Variants in PTCHD1 observed in about 807,000 individuals in gnomAD.
The protein encoded by PTCHD1 is patched domain containing 1.
PTCHD1 carries 3 observed loss-of-function variants against 34.6 expected under a neutral mutation model. That is an observed-to-expected ratio of 0.09 (90% CI 0.04 to 0.22). The LOEUF is 0.22. PTCHD1 is among the 10% of genes least tolerant of loss of function. PTCHD1 has a pLI of 1.00. For missense variants in PTCHD1, 504 were observed against 685.5 expected (o/e 0.74, Z 2.96); for synonymous variants, 305 against 283.1 (o/e 1.08, Z -0.77).
In PTCHD1 at chrX:23,393,958, G is replaced by A. The variant is rs1922903555; in HGVS notation, c.2440G>A (p.Ala814Thr). 1.7e-6 allele frequency: 2 copies of A among 1,210,045 alleles called. No individual in the cohort carries two copies. Among genetic ancestry groups the A allele is most frequent in the South Asian group, 3.5e-5 (2 of 56,936 alleles). ...TATTGTTGGTCTGATTCCTCTTGCA[G>A]CTGTGCCTTCAAATCTGACCTGTAC... ...CYIVGLIPLA[A>T]VPSNLTCTLF... Residue 814 changes from alanine to threonine, a missense_variant, in exon 3 of 3, where the codon GCT becomes ACT. Coordinates refer to ENST00000379361, the MANE Select transcript of PTCHD1 (RefSeq NM_173495.3).
chrX:23,355,628 C>T lies in PTCHD1; in HGVS notation c.351+20402C>T, dbSNP rs145873107. 9.4e-3 allele frequency among the ~76,000 whole-genome samples: 1,062 copies of T among 112,502 alleles called. 13 individuals are homozygous for T. Among genetic ancestry groups the T allele is most frequent in the African/African-American group, 0.033 (1,006 of 30,939 alleles). On this transcript the variant is annotated intron_variant, in intron 1 of 2. Coordinates refer to ENST00000379361, the MANE Select transcript of PTCHD1 (RefSeq NM_173495.3). ...CAGGTTCTTCTATTACATTATGTCT[C>T]AGCTTTCTATGAGCTATGTTATTTA...
In PTCHD1 at chrX:23,389,966, G is replaced by A. The variant is rs1922787489; in HGVS notation, c.1013-2565G>A. 7.1e-5 allele frequency among the ~76,000 whole-genome samples: 8 copies of A among 111,897 alleles called. No individual in the cohort carries two copies. The Admixed American group carries it at 7.6e-4, about 11-fold the overall frequency. On this transcript the variant is annotated intron_variant, in intron 2 of 2. Coordinates refer to ENST00000379361, the MANE Select transcript of PTCHD1 (RefSeq NM_173495.3). ...TTCTTGACCCTGGAGCCTCAGTCTT[G>A]TCACCTAATATCTCTGTTAATTCAA...
chrX:23,375,423 G>A (rs749096436), intron 1 of PTCHD1, among the ~76,000 whole-genome samples: 10 of 110,266 alleles, frequency 9.1e-5, no homozygotes, highest in Non-Finnish European at 1.7e-4. Flanking sequence ...CCATGTAGCT[G>A]GGATAACAGG....
intron 1 of PTCHD1, among the ~76,000 whole-genome samples, chrX:23,335,540 G>A (rs186057381): frequency 6.9e-4 from 78 of 113,242 alleles, no homozygotes; most frequent in African/African-American, 2.4e-3. Context: ...CTTGGGGGTG[G>A]GGAGGCTTTG....
chrX:23,385,550 T>C lies in PTCHD1; in HGVS notation c.1012+5299T>C, dbSNP rs764400060. Among the ~76,000 whole-genome samples, 10 of 111,452 alleles carry C rather than the reference T, an allele frequency of 9.0e-5. No individual in the cohort carries two copies. In the South Asian group the frequency reaches 3.8e-3, roughly 42 times the overall value. On this transcript the variant is annotated intron_variant, in intron 2 of 2. Coordinates refer to ENST00000379361, the MANE Select transcript of PTCHD1 (RefSeq NM_173495.3). ...ACTAAACATAGACCCTGGGGAGAAA[T>C]ACCTAGTATCTACATTTGGACTAAA... is the stretch of plus-strand genomic sequence containing the variant.
intron 1 of PTCHD1, among the ~76,000 whole-genome samples, chrX:23,356,355 G>T (rs1014628929): frequency 8.0e-5 from 9 of 112,155 alleles, no homozygotes; most frequent in Non-Finnish European, 1.5e-4. Context: ...ACACCCTGGG[G>T]ACCAGGGAGG....
chrX:23,352,797 C>T (rs947301652), intron 1 of PTCHD1, among the ~76,000 whole-genome samples: 1 of 112,163 alleles, frequency 8.9e-6, no homozygotes, highest in African/African-American at 3.2e-5. Flanking sequence ...AGATTGGCAG[C>T]GTCAGTAGCA....
intron 1 of PTCHD1, among the ~76,000 whole-genome samples, chrX:23,371,447 A>G (rs1247173856): frequency 8.9e-6 from 1 of 111,992 alleles, no homozygotes; most frequent in African/African-American, 3.3e-5. Context: ...AACAGTGAGG[A>G]ACACATGTTG....
rs766882195 is a variant in PTCHD1 at position 23,404,020 on chromosome X, C to G, written c.*9835C>G. 8.9e-6 allele frequency: 1 copy of G among 112,013 alleles called. No individual in the cohort carries two copies. The highest frequency in any genetic ancestry group is 3.3e-5 in the African/African-American group (1 of 30,759). The allele number at this position is 112,013 out of a possible 1,213,427, so 9.2% of individuals were successfully genotyped here. A position where few individuals can be genotyped will look rare whatever the true frequency, so the allele number is the denominator to read the frequency against. On this transcript the variant is annotated 3_prime_UTR_variant, in exon 3 of 3. Transcript: ENST00000379361. ...TCCCACTGATGATTGGCAATTCCAC[C>G]GTTCCTCTCCATCTGACCAGCTTTC...
chrX:23,354,870 C>T (rs1460660023), intron 1 of PTCHD1, among the ~76,000 whole-genome samples: 1 of 106,955 alleles, frequency 9.3e-6, no homozygotes, highest in Non-Finnish European at 2.0e-5. Flanking sequence ...CACACCCGGC[C>T]AAAATTCTTA....
chrX:23,392,630 C>T lies in PTCHD1; in HGVS notation c.1112C>T (p.Ser371Phe). The change falls in exon 3 of 3, where the codon TCC becomes TTC. Residue 371 changes from serine to phenylalanine, a missense_variant. By Grantham distance (155) the Ser-to-Phe change is radical. Transcript: ENST00000379361. ...AGAACTGCAGCAGTCTATGCAGACT[C>T]CATGCTCTCCTTTTCTCTCACCACT... ...KERTAAVYAD[S>F]MLSFSLTTAM... The T allele has an allele frequency of 1.7e-6, 2 of 1,205,630 alleles. No homozygotes were observed. The highest frequency in any genetic ancestry group is 3.5e-5 in the South Asian group (2 of 56,816).
chrX:23,347,253 G>A (rs1471430803), intron 1 of PTCHD1, among the ~76,000 whole-genome samples: 1 of 112,169 alleles, frequency 8.9e-6, no homozygotes, highest in African/African-American at 3.2e-5. Context: ...AAATACTTGT[G>A]AAGGTCACAG....
chrX:23,357,050 T>C (rs1336293332), intron 1 of PTCHD1, among the ~76,000 whole-genome samples: 4 of 112,072 alleles, frequency 3.6e-5, no homozygotes, highest in African/African-American at 6.5e-5. Context: ...CTAACTTAGT[T>C]TGATATGAAT....
At chrX:23,365,126 T>G (rs1326545675) in intron 1 of PTCHD1, among the ~76,000 whole-genome samples, 1 of 111,880 alleles carries the variant, frequency 8.9e-6, no homozygotes, top group Non-Finnish European at 1.9e-5. Flanking sequence ...CATCAGGCCA[T>G]CTACACTCGT....
intron 1 of PTCHD1, among the ~76,000 whole-genome samples, chrX:23,377,840 G>A (rs1922452710): frequency 9.0e-6 from 1 of 111,243 alleles, no homozygotes; most frequent in African/African-American, 3.3e-5. Context: ...CCAGGCACAT[G>A]CGCAGCAAAA....
intron 1 of PTCHD1, among the ~76,000 whole-genome samples, chrX:23,337,347 C>T (rs1921195277): frequency 8.9e-6 from 1 of 111,828 alleles, no homozygotes; most frequent in Admixed American, 9.4e-5. Context: ...GTTCATACAG[C>T]TTATAAAAAT....
At chrX:23,357,143 G>C (rs1194199368) in intron 1 of PTCHD1, among the ~76,000 whole-genome samples, 1 of 111,931 alleles carries the variant, frequency 8.9e-6, no homozygotes, top group East Asian at 2.8e-4. Flanking sequence ...AGTGTTTACA[G>C]TTTAGCTTAC....
chrX:23,383,561 T>C (rs1306152990), intron 2 of PTCHD1, among the ~76,000 whole-genome samples: 1 of 111,802 alleles, frequency 8.9e-6, no homozygotes, highest in Non-Finnish European at 1.9e-5. Context: ...CAAGATGATA[T>C]GTGACAGTTC....
At position 23,343,435 on chromosome X, in the gene PTCHD1, C is replaced by G. The variant is rs767024392; in HGVS notation, c.351+8209C>G. Among the ~76,000 whole-genome samples, 3 of 111,918 alleles carry G rather than the reference C, an allele frequency of 2.7e-5. No individual in the cohort carries two copies. The South Asian group carries it at 1.1e-3, about 42-fold the overall frequency. ...AGTGAGCACCCTGGAACCCAAGTCC[C>G]CACACTACACATTCCCTTATTTACT... On this transcript the variant is annotated intron_variant, in intron 1 of 2. Transcript: ENST00000379361.
Sources: allele counts gnomAD v4.1 joint callset (sites outside exome capture counted in the v4.1 genomes callset), GRCh38; gene constraint gnomAD v4.1.1; transcripts MANE v1.5; gene names NCBI Gene and HGNC (gene_info 2026-07-23, HGNC 2026-07-21).